FHIT: variants seen among roughly 807,000 people sequenced by gnomAD.
FHIT encodes the protein bis(5'-adenosyl)-triphosphatase.
A neutral mutation model predicts 17.9 loss-of-function variants in FHIT; 19 were observed. The observed-to-expected ratio is 1.06, with a 90% confidence interval of 0.74 to 1.56. The LOEUF is 1.56. Ranked by LOEUF, FHIT falls within the 40% of genes most tolerant of loss-of-function variation. The pLI, the probability that FHIT is intolerant of heterozygous loss-of-function variation, is 0.00. For missense variants in FHIT, 248 were observed against 189.2 expected, an observed-to-expected ratio of 1.31 and a Z score of -1.82; for synonymous variants, 81 against 69.7, an observed-to-expected ratio of 1.16 and a Z score of -0.81.
At chr3:59,749,951 G>A in intron 9 of FHIT, 3 of 225,244 alleles carry the variant, frequency 1.3e-5, no homozygotes, top group Non-Finnish European at 2.7e-5. Flanking sequence ...ACATCTGACT[G>A]CTGGGAAGAC....
intron 4 of FHIT, among the ~76,000 whole-genome samples, chr3:60,786,898 G>C (rs1553727112): frequency 6.6e-6 from 1 of 150,840 alleles, no homozygotes; most frequent in East Asian, 2.0e-4. Context: ...TAAAACTTGT[G>C]TTTCAATTCA....
chr3:60,628,739 T>C (rs2039361131), intron 4 of FHIT, among the ~76,000 whole-genome samples: 2 of 152,220 alleles, frequency 1.3e-5, no homozygotes, highest in Non-Finnish European at 2.9e-5. Flanking sequence ...GTCTATTGCT[T>C]TGGACAATGA....
chr3:59,939,561 G>A (rs1706408694), intron 7 of FHIT, among the ~76,000 whole-genome samples: 1 of 152,240 alleles, frequency 6.6e-6, no homozygotes, highest in African/African-American at 2.4e-5. Context: ...TTAACCTTTG[G>A]AATTAACATT....
At chr3:60,360,883 G>A (rs17062820) in intron 5 of FHIT, among the ~76,000 whole-genome samples, 2,724 of 152,198 alleles carry the variant, frequency 0.018, 59 homozygotes, top group African/African-American at 0.053. Flanking sequence ...CCTCCAACAC[G>A]ATTCATTTTG....
chr3:60,921,315 G>C (rs576655408), intron 3 of FHIT, among the ~76,000 whole-genome samples: 12 of 152,272 alleles, frequency 7.9e-5, no homozygotes, highest in Non-Finnish European at 1.6e-4. Context: ...TGACATGGTG[G>C]TGTATGAGAA....
At chr3:60,766,146 T>A (rs116400117) in intron 4 of FHIT, among the ~76,000 whole-genome samples, 2 of 152,294 alleles carry the variant, frequency 1.3e-5, no homozygotes, top group Admixed American at 6.5e-5. Context: ...TATACATACA[T>A]ATATCCTACT....
At chr3:60,185,085 T>C (rs150979369) in intron 5 of FHIT, among the ~76,000 whole-genome samples, 28 of 152,308 alleles carry the variant, frequency 1.8e-4, no homozygotes, top group Non-Finnish European at 3.8e-4. Context: ...CAAAGAACCT[T>C]GGTTTCTTTT....
intron 3 of FHIT, among the ~76,000 whole-genome samples, chr3:61,004,830 A>G (rs2107610885): frequency 6.6e-6 from 1 of 152,338 alleles, no homozygotes; most frequent in Admixed American, 6.5e-5. Context: ...AACCGCAGAG[A>G]ACTGCTGTGA....
intron 4 of FHIT, among the ~76,000 whole-genome samples, chr3:60,637,646 T>C (rs1553684276): frequency 1.3e-5 from 2 of 152,232 alleles, no homozygotes; most frequent in East Asian, 1.9e-4. Context: ...ATTTCAATTA[T>C]CATTCCCATT....
intron 4 of FHIT, among the ~76,000 whole-genome samples, chr3:60,744,348 T>C (rs2042314076): frequency 6.8e-6 from 1 of 147,412 alleles, no homozygotes. Context: ...GCAAATAAGA[T>C]ATTTCACATT....
At chr3:60,592,331 G>A (rs1349170810) in intron 4 of FHIT, among the ~76,000 whole-genome samples, 1 of 150,972 alleles carries the variant, frequency 6.6e-6, no homozygotes, top group Non-Finnish European at 1.5e-5. Flanking sequence ...TACTAAAGGA[G>A]ATGCGAATAA....
In FHIT at chr3:60,319,697, C is replaced by T. The variant is rs143041937; in HGVS notation, c.103+217163G>A. ...AACAGCAGCACAGCCACAATGAAAC[C>T]GCACAAATAAAGTGATCACCGTGGA... On this transcript the variant is annotated intron_variant, in intron 5 of 9. Coordinates refer to ENST00000492590, the MANE Select transcript of FHIT (RefSeq NM_002012.4). Among the ~76,000 whole-genome samples, 27 of 152,216 alleles carry T rather than the reference C, an allele frequency of 1.8e-4. 1 individual carries two copies. Among genetic ancestry groups the T allele is most frequent in the African/African-American group, 6.3e-4 (26 of 41,544 alleles).
At chr3:60,112,533 G>A (rs528578168) in intron 5 of FHIT, among the ~76,000 whole-genome samples, 8 of 152,262 alleles carry the variant, frequency 5.3e-5, no homozygotes, top group Admixed American at 1.3e-4. Context: ...CCACAGCTAC[G>A]TTTACCAGCA....
intron 4 of FHIT, among the ~76,000 whole-genome samples, chr3:60,599,617 T>A (rs1559570402): frequency 6.6e-6 from 1 of 151,482 alleles, no homozygotes; most frequent in Non-Finnish European, 1.5e-5. Context: ...CTTCTGCATG[T>A]TGGTACAACA....
At chr3:60,453,560 CA>C (rs1466322041) in intron 5 of FHIT, among the ~76,000 whole-genome samples, 1 of 152,100 alleles carries the variant, frequency 6.6e-6, no homozygotes, top group Non-Finnish European at 1.5e-5. Flanking sequence ...AACATAAAGG[CA>C]GCTATGGGTC....
chr3:60,884,669 C>T (rs1449865835), intron 3 of FHIT, among the ~76,000 whole-genome samples: 1 of 151,914 alleles, frequency 6.6e-6, no homozygotes, highest in African/African-American at 2.4e-5. Flanking sequence ...CTAAGTGGCT[C>T]ATATCTGGAA....
At chr3:61,231,483 G>A (rs532094090) in intron 1 of FHIT, among the ~76,000 whole-genome samples, 69 of 147,372 alleles carry the variant, frequency 4.7e-4, no homozygotes, top group Middle Eastern at 3.5e-3. Flanking sequence ...AGTGAGTCTC[G>A]GTCTCTTACG....
chr3:60,515,055 G>A (rs1244219658), intron 5 of FHIT, among the ~76,000 whole-genome samples: 2 of 152,036 alleles, frequency 1.3e-5, no homozygotes, highest in Admixed American at 1.3e-4. Context: ...AGGTGAGGCA[G>A]GCAGACAAAA....
intron 3 of FHIT, among the ~76,000 whole-genome samples, chr3:61,020,650 G>C (rs1303288955): frequency 2.0e-5 from 3 of 152,058 alleles, no homozygotes; most frequent in Non-Finnish European, 2.9e-5. Context: ...ATAATGACAG[G>C]ATCAAATTCA....
Sources: gnomAD v4.1 joint callset for allele counts (sites outside exome capture counted in the v4.1 genomes callset) on GRCh38, gnomAD v4.1.1 for gene constraint, MANE v1.5 for transcripts, NCBI Gene and HGNC (gene_info 2026-07-23, HGNC 2026-07-21) for gene names.